Variants in IL1RAPL2 observed in about 807,000 individuals in gnomAD.
IL1RAPL2 encodes the protein X-linked interleukin-1 receptor accessory protein-like 2.
Under a neutral mutation model 44.1 loss-of-function variants are expected in IL1RAPL2, and 3 were observed. The ratio of observed to expected loss-of-function variants is 0.07; its 90% CI spans 0.03 to 0.18. IL1RAPL2 has a LOEUF of 0.18. Among genes scored for constraint, IL1RAPL2 ranks in the 10% least tolerant of loss-of-function variants. IL1RAPL2 has a pLI of 1.00. For missense variants in IL1RAPL2, 391 were observed against 496.4 expected (o/e 0.79, Z 2.02); for synonymous variants, 181 against 178.8 (o/e 1.01, Z -0.10).
rs199819714 is a variant in IL1RAPL2, at chrX:105,220,042, T to C, written c.357-13776T>C. 1.6e-4 allele frequency: 193 copies of C among 1,210,414 alleles called. 2 individuals carry two copies. The African/African-American group carries it at 2.8e-3, about 18-fold the overall frequency. On this transcript the variant is annotated intron_variant, in intron 3 of 10. Coordinates refer to ENST00000372582, the MANE Select transcript of IL1RAPL2 (RefSeq NM_017416.2). ...GGAGGCCGCCTCCTTGCGTTCCGTC[T>C]CCTGCTGCTCCCTGAGCTTCTTCAG...
intron 6 of IL1RAPL2, among the ~76,000 whole-genome samples, chrX:105,605,820 A>G (rs1266771904): frequency 1.9e-4 from 1 of 5,142 alleles, no homozygotes; most frequent in Non-Finnish European, 3.5e-4. Context: ...ATGATTTTCA[A>G]TAGAGGTGCC....
intron 2 of IL1RAPL2, among the ~76,000 whole-genome samples, chrX:105,166,226 G>T (rs1282116351): frequency 8.9e-6 from 1 of 111,780 alleles, no homozygotes; most frequent in Non-Finnish European, 1.9e-5. Flanking sequence ...CCCACTAGAA[G>T]GTAAGCTTCC....
chrX:105,104,243 G>A (rs1303731592), intron 2 of IL1RAPL2, among the ~76,000 whole-genome samples: 1 of 111,126 alleles, frequency 9.0e-6, no homozygotes, highest in East Asian at 2.8e-4. Flanking sequence ...TCCACCAAGA[G>A]GGGTAAATTT....
At position 105,578,568 on chromosome X, in the gene IL1RAPL2, C is replaced by G. The variant is rs751862188; in HGVS notation, c.772+94181C>G. Among the ~76,000 whole-genome samples, 15 of 111,054 alleles carry G rather than the reference C, an allele frequency of 1.4e-4. No individual in the cohort carries two copies. In the East Asian group the frequency reaches 3.4e-3, roughly 25 times the overall value. On this transcript the variant is annotated intron_variant, in intron 6 of 10. Transcript: ENST00000372582. The stretch of plus-strand genomic sequence containing the variant: ...AGGAGACAGAGAAACCAAGAAAACC[C>G]TGACGCAAGTGTTTTTGGAGCTCAG...
At chrX:105,571,679 T>G (rs1002526360) in intron 6 of IL1RAPL2, among the ~76,000 whole-genome samples, 2 of 111,524 alleles carry the variant, frequency 1.8e-5, no homozygotes, top group Non-Finnish European at 3.8e-5. Flanking sequence ...TAATAATTTA[T>G]TTTTACTTGA....
chrX:105,000,826 A>C (rs1169803774), intron 2 of IL1RAPL2, among the ~76,000 whole-genome samples: 1 of 111,483 alleles, frequency 9.0e-6, no homozygotes, highest in Non-Finnish European at 1.9e-5. Flanking sequence ...GAATTAAATT[A>C]TAGTTATTAA....
At chrX:104,890,218 T>C (rs1205526544) in intron 2 of IL1RAPL2, among the ~76,000 whole-genome samples, 1 of 111,684 alleles carries the variant, frequency 9.0e-6, no homozygotes, top group Non-Finnish European at 1.9e-5. Flanking sequence ...CTTGGGTTGG[T>C]CCAAGTTTTT....
intron 4 of IL1RAPL2, among the ~76,000 whole-genome samples, chrX:105,263,455 A>G (rs1488386462): frequency 8.9e-6 from 1 of 111,948 alleles, no homozygotes; most frequent in African/African-American, 3.3e-5. Flanking sequence ...CAACCACCAA[A>G]TCAAATGGAT....
chrX:104,841,736 T>C (rs907399593), intron 2 of IL1RAPL2, among the ~76,000 whole-genome samples: 1 of 111,959 alleles, frequency 8.9e-6, no homozygotes, highest in Non-Finnish European at 1.9e-5. Flanking sequence ...TTCTGGCTTG[T>C]AGGTTTTCTG....
chrX:105,376,775 G>C (rs945548184), intron 5 of IL1RAPL2, among the ~76,000 whole-genome samples: 2 of 111,602 alleles, frequency 1.8e-5, no homozygotes, highest in South Asian at 7.5e-4. Flanking sequence ...CCTTTTTAAT[G>C]ATATCAACCT....
chrX:104,944,563 G>C (rs1056752642), intron 2 of IL1RAPL2, among the ~76,000 whole-genome samples: 21 of 111,477 alleles, frequency 1.9e-4, no homozygotes, highest in Admixed American at 1.6e-3. Flanking sequence ...GTCAACCTCA[G>C]AGTCTCATTA....
chrX:104,643,169 T>G (rs1224101522), intron 1 of IL1RAPL2, among the ~76,000 whole-genome samples: 1 of 111,916 alleles, frequency 8.9e-6, no homozygotes, highest in Non-Finnish European at 1.9e-5. Flanking sequence ...CCAATGTTGA[T>G]CAGCAAAAGG....
At chrX:105,125,315 T>TA (rs2032963996) in intron 2 of IL1RAPL2, among the ~76,000 whole-genome samples, 1 of 110,739 alleles carries the variant, frequency 9.0e-6, no homozygotes, top group Admixed American at 9.6e-5. Flanking sequence ...AATAAGGCAT[T>TA]AGAGCTTATA....
chrX:105,070,729 A>ATGTG (rs746238792), intron 2 of IL1RAPL2, among the ~76,000 whole-genome samples: 2,034 of 104,773 alleles, frequency 0.019, 48 homozygotes, highest in African/African-American at 0.065. Flanking sequence ...ATATATATTT[A>ATGTG]TGTGTGTGTG....
intron 4 of IL1RAPL2, among the ~76,000 whole-genome samples, chrX:105,263,841 G>C (rs771134657): frequency 9.0e-6 from 1 of 111,350 alleles, no homozygotes; most frequent in African/African-American, 3.3e-5. Flanking sequence ...TTTTCAAGTT[G>C]TTCAGGTTTA....
chrX:105,672,875 G>T (rs773646572), intron 6 of IL1RAPL2, among the ~76,000 whole-genome samples: 1 of 111,630 alleles, frequency 9.0e-6, no homozygotes, highest in East Asian at 2.8e-4. Flanking sequence ...GATAGGAAGA[G>T]CAGATCTTTG....
intron 2 of IL1RAPL2, among the ~76,000 whole-genome samples, chrX:105,095,093 G>A (rs979570419): frequency 9.0e-6 from 1 of 111,353 alleles, no homozygotes; most frequent in Non-Finnish European, 1.9e-5. Context: ...TATACAAGAT[G>A]TTTCTATATG....
intron 5 of IL1RAPL2, among the ~76,000 whole-genome samples, chrX:105,352,380 A>G (rs184399312): frequency 3.7e-3 from 411 of 112,553 alleles, no homozygotes; most frequent in Non-Finnish European, 6.0e-3. Context: ...AAATGTTAAT[A>G]TTAGCTTCAA....
At chrX:104,884,224 G>A (rs987769334) in intron 2 of IL1RAPL2, among the ~76,000 whole-genome samples, 1 of 111,564 alleles carries the variant, frequency 9.0e-6, no homozygotes, top group Non-Finnish European at 1.9e-5. Flanking sequence ...GAATGCATCA[G>A]TAAGGGCCAC....
Sources: allele counts gnomAD v4.1 joint callset (sites outside exome capture counted in the v4.1 genomes callset), GRCh38; gene constraint gnomAD v4.1.1; transcripts MANE v1.5; gene names NCBI Gene and HGNC (gene_info 2026-07-23, HGNC 2026-07-21).